ATAD2B: variants seen among roughly 807,000 people sequenced by gnomAD.
ATAD2B encodes ATPase family AAA domain containing 2B, also known as ATPase family AAA domain-containing protein 2B.
ATAD2B carries 40 observed loss-of-function variants against 167.6 expected under a neutral mutation model. The observed-to-expected ratio is 0.24, with a 90% CI of 0.19 to 0.31. The LOEUF (loss-of-function observed/expected upper bound fraction) is 0.31, where lower values mean the gene tolerates loss of function less well. Ranked by LOEUF, ATAD2B falls within the 10% of genes least tolerant of loss-of-function variation. The pLI is 1.00. For synonymous variants in ATAD2B, 579 were observed against 596.5 expected (o/e 0.97, Z 0.43); for missense variants, 1,242 against 1,757.2 (o/e 0.71, Z 5.24).
chr2:23,752,068 T>C lies in ATAD2B; in HGVS notation c.4355A>G (p.His1452Arg), dbSNP rs749227110. The change falls in exon 28 of 28, where the codon CAT becomes CGT. Residue 1452 changes from histidine (H) to arginine (R), a missense_variant. His to Arg is a conservative substitution (Grantham distance 29). Coordinates refer to ENST00000238789, the MANE Select transcript of ATAD2B (RefSeq NM_017552.4). ...AGTTCATAGGAATGTCTCAAACATA[T>C]GAACTGTTCTTTCCATCTCCTATAA... ...QLVEEMERTV[H>R]MFETFL The C allele has an allele frequency of 1.9e-6, 3 of 1,562,340 alleles. No individual in the cohort carries two copies. Among genetic ancestry groups the C allele is most frequent in the Non-Finnish European group, 2.6e-6 (3 of 1,150,770 alleles).
chr2:23,695,155 C>T, the ATAD2B span, among the ~76,000 whole-genome samples: 4 of 152,162 alleles, frequency 2.6e-5, no homozygotes, highest in Non-Finnish European at 4.4e-5. This position sits in a 1 kb window ranked among gnomAD's most constrained non-coding sequence, Gnocchi z 7.6. Context: ...CAGGCTCCCA[C>T]GGCTGAGACT....
the ATAD2B span, among the ~76,000 whole-genome samples, chr2:23,686,007 G>C: frequency 6.6e-6 from 1 of 152,230 alleles, no homozygotes; most frequent in East Asian, 1.9e-4. Context: ...GGCTTTCAGA[G>C]ACCGCACATT....
chr2:23,819,607 A>C, intron 17 of ATAD2B, 140 bp downstream of exon 17: 2 of 646,140 alleles, frequency 3.1e-6, no homozygotes, highest in Non-Finnish European at 4.6e-6. Context: ...TACATAGTAA[A>C]AGTTTTCCAG....
At chr2:23,914,705 G>T (rs1702790966) in intron 1 of ATAD2B, among the ~76,000 whole-genome samples, 2 of 152,034 alleles carry the variant, frequency 1.3e-5, no homozygotes, top group Non-Finnish European at 2.9e-5. Context: ...AGCCGGGCGA[G>T]GTGGCGGGCA....
intron 9 of ATAD2B, 96 bp downstream of exon 9, chr2:23,869,567 A>T: frequency 2.5e-6 from 2 of 814,874 alleles, no homozygotes; most frequent in Non-Finnish European, 4.1e-6. Context: ...AGTCTAAAAT[A>T]TGTGTTGAAT....
At chr2:23,702,729 T>A in the ATAD2B span, among the ~76,000 whole-genome samples, 2 of 152,188 alleles carry the variant, frequency 1.3e-5, no homozygotes, top group Admixed American at 6.5e-5. Context: ...TTATTCTTTG[T>A]GTGTTTTATT....
intron 22 of ATAD2B, among the ~76,000 whole-genome samples, chr2:23,781,718 T>C (rs1044015259): frequency 6.6e-6 from 1 of 150,646 alleles, no homozygotes. Context: ...TCCTGACTAA[T>C]ATGAATGACT....
chr2:23,870,534 C>T (rs893783493), intron 8 of ATAD2B, among the ~76,000 whole-genome samples: 1 of 151,878 alleles, frequency 6.6e-6, no homozygotes, highest in African/African-American at 2.4e-5. Context: ...GATCTACCCA[C>T]CTTGGCCTCC....
chr2:23,801,086 A>G (rs535805719), intron 18 of ATAD2B, among the ~76,000 whole-genome samples: 30 of 152,258 alleles, frequency 2.0e-4, no homozygotes, highest in Non-Finnish European at 2.6e-4. Context: ...TCCTTATTCT[A>G]TGTTATCTCA....
chr2:23,810,250 C>G, intron 18 of ATAD2B, 66 bp downstream of exon 18: 1 of 1,411,440 alleles, frequency 7.1e-7, no homozygotes, highest in East Asian at 2.3e-5. Flanking sequence ...ACACTACACA[C>G]TAGAAATACT....
In ATAD2B at chr2:23,750,654, T is replaced by A. The variant is rs1450350028; in HGVS notation, c.*1392A>T. 1 of 152,136 alleles carries A rather than the reference T, an allele frequency of 6.6e-6. No individual in the cohort carries two copies. Among genetic ancestry groups the A allele is most frequent in the Non-Finnish European group, 1.5e-5 (1 of 67,992 alleles). The allele number at this position is 152,136 out of a possible 1,614,324, so 9.4% of individuals were successfully genotyped here. On this transcript the variant is annotated 3_prime_UTR_variant, in exon 28 of 28. Transcript: ENST00000238789. ...AGCTAACGGCTACAATGAATGAAGATACCAAGCCAACTTGCTGGCAAAATT... is the reference window on the plus strand; with the variant it reads ...AGCTAACGGCTACAATGAATGAAGAAACCAAGCCAACTTGCTGGCAAAATT...
the ATAD2B span, among the ~76,000 whole-genome samples, chr2:23,685,702 C>G: frequency 5.3e-5 from 8 of 152,234 alleles, no homozygotes; most frequent in Non-Finnish European, 1.2e-4. Flanking sequence ...GGTCTCCTGC[C>G]CCCGGTGCTT....
the ATAD2B span, among the ~76,000 whole-genome samples, chr2:23,678,179 T>C: frequency 6.6e-6 from 1 of 152,220 alleles, no homozygotes; most frequent in Non-Finnish European, 1.5e-5. Flanking sequence ...CCAGCCTTGG[T>C]TCTGTTTGTG....
At chr2:23,821,442 A>G (rs1286697553) in intron 16 of ATAD2B, among the ~76,000 whole-genome samples, 1 of 152,258 alleles carries the variant, frequency 6.6e-6, no homozygotes, top group East Asian at 1.9e-4. Flanking sequence ...CCTGGCTCAC[A>G]GATATTCAGT....
chr2:23,736,689 G>T, the ATAD2B span, among the ~76,000 whole-genome samples: 1 of 152,208 alleles, frequency 6.6e-6, no homozygotes, highest in African/African-American at 2.4e-5. Flanking sequence ...GTGCCAGACA[G>T]TAGGTGCAAG....
At chr2:23,714,855 CAA>C in the ATAD2B span, among the ~76,000 whole-genome samples, 3 of 125,060 alleles carry the variant, frequency 2.4e-5, no homozygotes, top group African/African-American at 3.0e-5. Flanking sequence ...ACTCTGTCTC[CAA>C]AAAAAAAAAG....
chr2:23,845,570 ATT>A (rs71402518), intron 13 of ATAD2B, among the ~76,000 whole-genome samples: 10,303 of 86,384 alleles, frequency 0.12, 175 homozygotes, highest in Middle Eastern at 0.22. Flanking sequence ...GCATGCTGGA[ATT>A]TTTTTTTTTT....
intron 15 of ATAD2B, among the ~76,000 whole-genome samples, chr2:23,826,583 G>A (rs2339928): frequency 0.72 from 109,249 of 151,984 alleles, 39,450 homozygotes; most frequent in East Asian, 0.93. Flanking sequence ...TAAAAAGACT[G>A]AAAATACAGC....
At chr2:23,766,766 A>G (rs1677472101) in intron 22 of ATAD2B, among the ~76,000 whole-genome samples, 1 of 152,132 alleles carries the variant, frequency 6.6e-6, no homozygotes. Context: ...CAAAAGCAAA[A>G]CACCCTGAAA....
Sources: allele counts gnomAD v4.1 joint callset (sites outside exome capture counted in the v4.1 genomes callset), GRCh38; gene constraint gnomAD v4.1.1; non-coding constraint Gnocchi (gnomAD v3.1); transcripts MANE v1.5; gene names NCBI Gene and HGNC (gene_info 2026-07-23, HGNC 2026-07-21).